The following CCSER2 variants were observed in gnomAD, a reference collection of about 807,000 sequenced individuals.
CCSER2 encodes serine-rich coiled-coil domain-containing protein 2.
In CCSER2, 46 loss-of-function variants were observed where a neutral mutation model predicts 92.3. The observed-to-expected ratio is 0.50, with a 90% CI of 0.39 to 0.64. The LOEUF is 0.64. Ranked by LOEUF, CCSER2 falls within the 30% of genes least tolerant of loss-of-function variation. The pLI is 0.00. For synonymous variants in CCSER2, 433 were observed against 431.4 expected, an observed-to-expected ratio of 1.00 and a Z score of -0.04; for missense variants, 1,244 against 1,238.9, an observed-to-expected ratio of 1.00 and a Z score of -0.06.
At chr10:84,485,463 G>C (rs980813102) in intron 9 of CCSER2, among the ~76,000 whole-genome samples, 1 of 152,004 alleles carries the variant, frequency 6.6e-6, no homozygotes, top group East Asian at 1.9e-4. Flanking sequence ...TTTATAAATA[G>C]TATCTTACAG....
intron 4 of CCSER2, among the ~76,000 whole-genome samples, chr10:84,424,370 A>G (rs889526627): frequency 6.6e-6 from 1 of 152,146 alleles, no homozygotes; most frequent in Non-Finnish European, 1.5e-5. Flanking sequence ...AACATGAACA[A>G]AAATTCTTTT....
intron 1 of CCSER2, among the ~76,000 whole-genome samples, chr10:84,370,023 G>C (rs1026330131): frequency 6.6e-6 from 1 of 152,052 alleles, no homozygotes; most frequent in African/African-American, 2.4e-5. Context: ...TTTTATACCA[G>C]TACCATGCTG....
At chr10:84,329,143 A>G (rs1462525694) in intron 1 of CCSER2, among the ~76,000 whole-genome samples, 1 of 151,976 alleles carries the variant, frequency 6.6e-6, no homozygotes, top group Non-Finnish European at 1.5e-5. Flanking sequence ...GTGAGGGTGG[A>G]TAGGGAAAGT....
chr10:84,406,344 G>C (rs1349058858), intron 3 of CCSER2, among the ~76,000 whole-genome samples: 3 of 152,102 alleles, frequency 2.0e-5, no homozygotes, highest in Non-Finnish European at 4.4e-5. Flanking sequence ...TAATTGCGTA[G>C]GTGTTTACAC....
chr10:84,447,742 A>T (rs764171927), intron 6 of CCSER2, among the ~76,000 whole-genome samples: 1 of 152,022 alleles, frequency 6.6e-6, no homozygotes, highest in East Asian at 1.9e-4. Context: ...GTCCACTTTT[A>T]TTTGTTTTTA....
At chr10:84,388,053 C>T (rs1220512176) in intron 3 of CCSER2, among the ~76,000 whole-genome samples, 1 of 151,964 alleles carries the variant, frequency 6.6e-6, no homozygotes, top group African/African-American at 2.4e-5. Context: ...TTAGTAGAGA[C>T]GTGGTTTCAC....
At chr10:84,362,592 A>C (rs1002870543) in intron 1 of CCSER2, among the ~76,000 whole-genome samples, 1 of 152,156 alleles carries the variant, frequency 6.6e-6, no homozygotes, top group Non-Finnish European at 1.5e-5. Flanking sequence ...TTAAACCACA[A>C]ATTCCTTTTG....
rs997889871 is a variant in CCSER2, at chr10:84,425,184, G to C, written c.1706-547G>C. 9.1e-6 allele frequency: 9 copies of C among 984,064 alleles called. No individual in the cohort carries two copies. In the African/African-American group the frequency reaches 1.6e-4, roughly 17 times the overall value. 61.0% of individuals were successfully genotyped at this position (984,064 alleles called of 1,614,324 possible). On this transcript the variant is annotated intron_variant, in intron 4 of 9. Transcript: ENST00000372088. ...GTGGCATTTTAGACTTTTTGAACAA[G>C]CTCTTACTGCAGGCAGATTGAAGCG...
intron 6 of CCSER2, among the ~76,000 whole-genome samples, chr10:84,443,811 C>T (rs1293966271): frequency 6.6e-6 from 1 of 152,020 alleles, no homozygotes; most frequent in Non-Finnish European, 1.5e-5. Context: ...ACTGTGCAGC[C>T]ACAAAAAAGG....
At chr10:84,433,991 C>T (rs895757639) in intron 5 of CCSER2, among the ~76,000 whole-genome samples, 1 of 152,204 alleles carries the variant, frequency 6.6e-6, no homozygotes, top group East Asian at 1.9e-4. Context: ...TACTAGCATT[C>T]TAGTGTGTTC....
At chr10:84,391,603 G>T in intron 3 of CCSER2, 1 of 1,526,510 alleles carries the variant, frequency 6.6e-7, no homozygotes, top group South Asian at 1.1e-5. Flanking sequence ...ATATAGAGAT[G>T]CAGCCTTATA....
chr10:84,424,410 C>T (rs902134768), intron 4 of CCSER2, among the ~76,000 whole-genome samples: 1 of 152,090 alleles, frequency 6.6e-6, no homozygotes, highest in Non-Finnish European at 1.5e-5. Flanking sequence ...ATTTCTTCTT[C>T]CTCAAGGTGA....
At chr10:84,425,968 C>T (rs1417504191) in intron 5 of CCSER2, 75 bp downstream of exon 5, 1 of 1,087,414 alleles carries the variant, frequency 9.2e-7, no homozygotes. Flanking sequence ...TCCCAGAACC[C>T]TCAAAAAACC....
intron 1 of CCSER2, among the ~76,000 whole-genome samples, chr10:84,343,027 T>C (rs1844288769): frequency 6.6e-6 from 1 of 152,094 alleles, no homozygotes; most frequent in Admixed American, 6.6e-5. Context: ...CACCTGCCAC[T>C]ACACTCAGCT....
chr10:84,472,146 T>C (rs1846845433), intron 8 of CCSER2, among the ~76,000 whole-genome samples: 1 of 152,008 alleles, frequency 6.6e-6, no homozygotes, highest in Non-Finnish European at 1.5e-5. Flanking sequence ...ATAACAAATA[T>C]AATAGTAGTT....
At chr10:84,448,956 C>T (rs1481257272) in intron 6 of CCSER2, among the ~76,000 whole-genome samples, 2 of 152,084 alleles carry the variant, frequency 1.3e-5, no homozygotes, top group East Asian at 3.9e-4. Flanking sequence ...CATATATGTA[C>T]CACAATTTGA....
At chr10:84,345,329 A>AG (rs1844417610) in intron 1 of CCSER2, among the ~76,000 whole-genome samples, 1 of 152,234 alleles carries the variant, frequency 6.6e-6, no homozygotes, top group Non-Finnish European at 1.5e-5. Flanking sequence ...CAGGATACCT[A>AG]GCTGAGTAAG....
intron 9 of CCSER2, among the ~76,000 whole-genome samples, chr10:84,506,520 G>A (rs906495553): frequency 5.3e-5 from 8 of 151,962 alleles, no homozygotes; most frequent in South Asian, 2.1e-4. Flanking sequence ...CTGGCCGGGC[G>A]TGGTGGCTCA....
At position 84,381,008 on chromosome 10, in the gene CCSER2, T is replaced by G. The variant is rs2133212093; in HGVS notation, c.1614+7193T>G. The stretch of plus-strand genomic sequence containing the variant: ...AGCCACCATGCCCAGCCTCTCTGTG[T>G]TCCTTTTTAAAAAATATAGATGGTA... On this transcript the variant is annotated intron_variant, in intron 3 of 9. Transcript: ENST00000372088. Among the ~76,000 whole-genome samples the G allele has an allele frequency of 2.0e-5, 3 of 152,206 alleles. No homozygotes were observed. In the South Asian group the frequency reaches 6.2e-4, roughly 32 times the overall value.
Sources: gnomAD v4.1 joint callset for allele counts (sites outside exome capture counted in the v4.1 genomes callset) on GRCh38, gnomAD v4.1.1 for gene constraint, MANE v1.5 for transcripts, NCBI Gene and HGNC (gene_info 2026-07-23, HGNC 2026-07-21) for gene names.